DPF3: variants seen among roughly 807,000 people sequenced by gnomAD.
DPF3 encodes zinc finger protein DPF3.
Under a neutral mutation model 56.8 loss-of-function variants are expected in DPF3, and 18 were observed. That is an observed-to-expected ratio of 0.32 (90% CI 0.22 to 0.47). The LOEUF (loss-of-function observed/expected upper bound fraction) is 0.47. Among genes scored for constraint, DPF3 ranks in the 20% least tolerant of loss-of-function variants. The pLI, the probability that DPF3 is intolerant of heterozygous loss-of-function variation, is 1.00. For missense variants in DPF3, 403 were observed against 488.8 expected, an observed-to-expected ratio of 0.82 and a Z score of 1.65; for synonymous variants, 188 against 180.2, an observed-to-expected ratio of 1.04 and a Z score of -0.35.
At chr14:72,726,858 A>G (rs1380757294) in intron 4 of DPF3, among the ~76,000 whole-genome samples, 1 of 152,080 alleles carries the variant, frequency 6.6e-6, no homozygotes, top group Non-Finnish European at 1.5e-5. Context: ...AAAAAAAAAA[A>G]TCCTTTTTAA....
At position 72,629,696 on chromosome 14, in the gene DPF3, C is replaced by A. The variant is rs1219737656; in HGVS notation, c.912G>T (p.Glu304Asp). ...ACTGCCACTTGTAGGTCTTGACAGC[C>A]TCGGTCATGTTCAGGGTAAACTGCA... Reference protein sequence around the residue: ...TCLQFTLNMTEAVKTYKWQCI... With the variant: ...TCLQFTLNMTDAVKTYKWQCI... Residue 304 changes from glutamate (E) to aspartate (D), a missense_variant, in exon 9 of 11, where the codon GAG (glutamate) becomes GAT (aspartate). Coordinates refer to ENST00000556509, the MANE Select transcript of DPF3 (RefSeq NM_001280542.3). 2 of 1,535,978 alleles carry A rather than the reference C, an allele frequency of 1.3e-6. No individual in the cohort carries two copies. The highest frequency in any genetic ancestry group is 4.9e-5 in the East Asian group (2 of 40,922).
At chr14:72,648,049 C>T (rs1885777636) in intron 8 of DPF3, among the ~76,000 whole-genome samples, 1 of 152,210 alleles carries the variant, frequency 6.6e-6, no homozygotes, top group African/African-American at 2.4e-5. Context: ...CCAGTTAATA[C>T]CAACTCTTCA....
intron 3 of DPF3, among the ~76,000 whole-genome samples, chr14:72,735,775 T>C (rs893800361): frequency 4.6e-5 from 7 of 152,214 alleles, no homozygotes; most frequent in Non-Finnish European, 1.0e-4. Flanking sequence ...TAAGCCTCCA[T>C]TTCCATATGT....
chr14:72,787,751 G>A (rs149221244), intron 1 of DPF3, among the ~76,000 whole-genome samples: 26 of 152,234 alleles, frequency 1.7e-4, no homozygotes, highest in African/African-American at 6.0e-4. Flanking sequence ...CCCAAGGCAC[G>A]GACAGTAATG....
chr14:72,893,101 G>C (rs1886839556), intron 1 of DPF3, among the ~76,000 whole-genome samples: 1 of 152,190 alleles, frequency 6.6e-6, no homozygotes, highest in African/African-American at 2.4e-5. Context: ...TCCTCGCCCG[G>C]CCCGCCCCAC....
In DPF3 at chr14:72,800,768, G is replaced by A. The variant is rs10143983; in HGVS notation, c.33-28875C>T. The stretch of plus-strand genomic sequence containing the variant: ...TGCATGGATGGGTGCATGGGTGGAT[G>A]CATGAGTGGATGCATGGGTGGATGC... On this transcript the variant is annotated intron_variant, in intron 1 of 10. Transcript: ENST00000556509. 2.7e-3 allele frequency among the ~76,000 whole-genome samples: 9 copies of A among 3,382 alleles called. No individual in the cohort carries two copies. The South Asian group carries it at 0.067, about 25-fold the overall frequency. 2.2% of individuals were successfully genotyped at this position (3,382 alleles called of 152,430 possible).
rs547207778 is a variant in DPF3, at chr14:72,730,915, T to C, written c.429+892A>G. 5.9e-5 allele frequency among the ~76,000 whole-genome samples: 9 copies of C among 152,260 alleles called. No individual in the cohort carries two copies. The East Asian group carries it at 1.5e-3, about 26-fold the overall frequency. ...CAGGTGCAGTGACTCACGCCTGTAA[T>C]CCCAGCACTCTGGGAGGCTGAGGCA... is the stretch of plus-strand genomic sequence containing the variant. On this transcript the variant is annotated intron_variant, in intron 4 of 10. Transcript: ENST00000556509.
Position 72,753,337 on chromosome 14 carries a change from G to C in DPF3, c.228C>G (p.Ala76=), listed in dbSNP as rs200414736. The C allele has an allele frequency of 6.2e-7, 1 of 1,613,308 alleles. No individual in the cohort carries two copies. Among genetic ancestry groups the C allele is most frequent in the Admixed American group, 1.7e-5 (1 of 60,024 alleles). The change falls in exon 3 of 11, where the codon GCC becomes GCG. Residue 76 remains alanine (A), a synonymous_variant. Coordinates refer to ENST00000556509, the MANE Select transcript of DPF3 (RefSeq NM_001280542.3). ...LAPGQLYTYP[A]RCWRKKRRLH... Reference sequence around the variant, plus strand: ...ATCGTCTCTTCTTGCGCCAGCAGCGGGCAGGGTATGTATACAGCTGGCCCG... The same window carrying C: ...ATCGTCTCTTCTTGCGCCAGCAGCGCGCAGGGTATGTATACAGCTGGCCCG...
rs1032376382 is a variant in DPF3, at chr14:72,709,254, A to T, written c.604+5169T>A. On this transcript the variant is annotated intron_variant, in intron 6 of 10. Transcript: ENST00000556509. ...GAGAACAGAGACTTTGCTGAGACAG[A>T]GGTGGCCTTGAGAGGGCCCGCTCCT... 5.3e-5 allele frequency among the ~76,000 whole-genome samples: 8 copies of T among 152,168 alleles called. No individual in the cohort carries two copies. In the East Asian group the frequency reaches 1.5e-3, roughly 29 times the overall value.
intron 8 of DPF3, among the ~76,000 whole-genome samples, chr14:72,663,676 AGT>A (rs1393062644): frequency 1.3e-5 from 2 of 152,208 alleles, no homozygotes; most frequent in African/African-American, 4.8e-5. Flanking sequence ...CCCCGGAAGC[AGT>A]TTCTGAAAGC....
At chr14:72,854,200 T>C (rs1459973530) in intron 1 of DPF3, among the ~76,000 whole-genome samples, 1 of 151,990 alleles carries the variant, frequency 6.6e-6, no homozygotes, top group African/African-American at 2.4e-5. Flanking sequence ...CTACTAAAAA[T>C]ACAAAAATTA....
chr14:72,771,723 C>G lies in DPF3; in HGVS notation c.193+10G>C, dbSNP rs757041206. 6.2e-7 allele frequency: 1 copy of G among 1,607,596 alleles called. No homozygotes were observed. The highest frequency in any genetic ancestry group is 1.3e-5 in the African/African-American group (1 of 74,766). On this transcript the variant is annotated intron_variant, in intron 2 of 10. Transcript: ENST00000556509. ...GCACATGCGCATGTCCCAGGAGTGGCGCAGCTCACCTGGGCCTCGGTGCCT... is the reference window on the plus strand; with the variant it reads ...GCACATGCGCATGTCCCAGGAGTGGGGCAGCTCACCTGGGCCTCGGTGCCT...
At chr14:72,652,659 G>GT (rs1885948087) in intron 8 of DPF3, among the ~76,000 whole-genome samples, 1 of 152,188 alleles carries the variant, frequency 6.6e-6, no homozygotes, top group South Asian at 2.1e-4. Flanking sequence ...GACCTGGGGT[G>GT]TTTATCACAG....
chr14:72,850,922 A>G (rs186008874), intron 1 of DPF3, among the ~76,000 whole-genome samples: 1 of 152,226 alleles, frequency 6.6e-6, no homozygotes, highest in Admixed American at 6.5e-5. Flanking sequence ...AGAAGTCAAC[A>G]TTTGCCCCAG....
At chr14:72,664,831 T>C (rs10137616) in intron 8 of DPF3, among the ~76,000 whole-genome samples, 78,383 of 152,126 alleles carry the variant, frequency 0.52, 21,527 homozygotes, top group East Asian at 0.83. Context: ...GTCTGGAGGA[T>C]ATGAGTGATA....
chr14:72,697,024 G>A (rs575882995), intron 6 of DPF3, among the ~76,000 whole-genome samples: 4 of 151,804 alleles, frequency 2.6e-5, no homozygotes, highest in South Asian at 4.2e-4. Context: ...GTAGCAGGCA[G>A]GGGCAGGATA....
rs773245171 is a variant in DPF3 at position 72,619,339 on chromosome 14, T to G, written c.1095A>C (p.Glu365Asp). Residue 365 changes from glutamate (E) to aspartate (D), a missense_variant, in exon 11 of 11, where the codon GAA (glutamate) becomes GAC (aspartate). Coordinates refer to ENST00000556509, the MANE Select transcript of DPF3 (RefSeq NM_001280542.3). ...AGGCTGAGGCTTTCTCTTTGAGCAG[T>G]TCCCAGCATAAGTGGCAGCTCCAGC... Reference protein sequence around the residue: ...EGSWSCHLCWELLKEKASAFG... With the variant: ...EGSWSCHLCWDLLKEKASAFG... 11 of 1,536,114 alleles carry G rather than the reference T, an allele frequency of 7.2e-6. No individual in the cohort carries two copies. The South Asian group carries it at 1.1e-4, about 15-fold the overall frequency.
At chr14:72,766,781 C>T (rs1429539144) in intron 2 of DPF3, among the ~76,000 whole-genome samples, 1 of 152,190 alleles carries the variant, frequency 6.6e-6, no homozygotes, top group Non-Finnish European at 1.5e-5. Flanking sequence ...CCTCATATAT[C>T]CTGGACTGGA....
chr14:72,887,335 G>A (rs1396392557), intron 1 of DPF3, among the ~76,000 whole-genome samples: 1 of 152,144 alleles, frequency 6.6e-6, no homozygotes. Context: ...ATGCTAGTGA[G>A]AAGAAAATCA....
Sources: allele counts gnomAD v4.1 joint callset (sites outside exome capture counted in the v4.1 genomes callset), GRCh38; gene constraint gnomAD v4.1.1; transcripts MANE v1.5; gene names NCBI Gene and HGNC (gene_info 2026-07-23, HGNC 2026-07-21).